KCNIP4: variants seen among roughly 807,000 people sequenced by gnomAD.
The protein encoded by KCNIP4 is potassium voltage-gated channel interacting protein 4, also known as Kv channel-interacting protein 4.
In KCNIP4, 12 loss-of-function variants were observed where a neutral mutation model predicts 34.0. That is an observed-to-expected ratio of 0.35 (90% confidence interval 0.23 to 0.57). The LOEUF (loss-of-function observed/expected upper bound fraction) is 0.57. KCNIP4 is among the 20% of genes least tolerant of loss of function. The probability of loss-of-function intolerance (pLI) is 0.83; values close to 1 mark genes in which losing one functional copy is unlikely to be tolerated. For synonymous variants in KCNIP4, 124 were observed against 102.2 expected, an observed-to-expected ratio of 1.21 and a Z score of -1.29; for missense variants, 238 against 311.7, an observed-to-expected ratio of 0.76 and a Z score of 1.78.
At chr4:21,006,707 T>G (rs1425025855) in intron 1 of KCNIP4, among the ~76,000 whole-genome samples, 1 of 152,020 alleles carries the variant, frequency 6.6e-6, no homozygotes, top group Non-Finnish European at 1.5e-5. Flanking sequence ...AGAAATAGGA[T>G]TTTGCCCAGG....
intron 1 of KCNIP4, among the ~76,000 whole-genome samples, chr4:20,894,807 A>G (rs561611016): frequency 4.7e-4 from 71 of 152,362 alleles, no homozygotes; most frequent in South Asian, 1.9e-3. Flanking sequence ...AGAACAAGAA[A>G]GTCCTCTAAA....
At chr4:20,998,000 A>C (rs1258505868) in intron 1 of KCNIP4, among the ~76,000 whole-genome samples, 1 of 152,220 alleles carries the variant, frequency 6.6e-6, no homozygotes, top group Non-Finnish European at 1.5e-5. Flanking sequence ...TAAGCTGATA[A>C]CTTAAAATGT....
chr4:21,490,421 A>T (rs1732291181), intron 1 of KCNIP4, among the ~76,000 whole-genome samples: 1 of 152,244 alleles, frequency 6.6e-6, no homozygotes, highest in East Asian at 1.9e-4. Flanking sequence ...CCTCGACCCC[A>T]AGAAACCCAC....
Position 21,352,017 on chromosome 4 carries a change from G to A in KCNIP4, c.62-469308C>T, listed in dbSNP as rs79368145. Among the ~76,000 whole-genome samples the A allele has an allele frequency of 3.4e-3, 514 of 152,218 alleles. 3 individuals carry two copies. The highest frequency in any genetic ancestry group is 0.011 in the African/African-American group (474 of 41,536). ...TCTGCCATAACATCAGTTATGTCCT[G>A]AGGCCATTTGGTTGAATAATTGATA... On this transcript the variant is annotated intron_variant, in intron 1 of 8. Coordinates refer to ENST00000382152, the MANE Select transcript of KCNIP4 (RefSeq NM_025221.6).
At chr4:21,592,306 G>A (rs1742282303) in intron 1 of KCNIP4, among the ~76,000 whole-genome samples, 1 of 152,060 alleles carries the variant, frequency 6.6e-6, no homozygotes, top group Non-Finnish European at 1.5e-5. Flanking sequence ...GATCATGGAT[G>A]TCTCATTTTT....
chr4:21,454,367 C>G (rs563432150), intron 1 of KCNIP4, among the ~76,000 whole-genome samples: 1 of 152,160 alleles, frequency 6.6e-6, no homozygotes, highest in South Asian at 2.1e-4. Flanking sequence ...TTAACTCACT[C>G]TCTAAGAGAT....
chr4:21,424,605 A>AAAAG (rs3083788), intron 1 of KCNIP4, among the ~76,000 whole-genome samples: 192 of 151,626 alleles, frequency 1.3e-3, no homozygotes, highest in African/African-American at 3.9e-3. Flanking sequence ...GAAAGAGAGA[A>AAAAG]AAAGAAAGAA....
intron 1 of KCNIP4, among the ~76,000 whole-genome samples, chr4:21,183,141 A>G (rs1754968013): frequency 6.6e-6 from 1 of 152,148 alleles, no homozygotes; most frequent in Non-Finnish European, 1.5e-5. Flanking sequence ...TTCACTAAAC[A>G]TAATGTCCTA....
intron 1 of KCNIP4, among the ~76,000 whole-genome samples, chr4:21,650,980 G>A (rs1304867856): frequency 6.6e-6 from 1 of 152,162 alleles, no homozygotes; most frequent in African/African-American, 2.4e-5. Context: ...CTTTAAAAGT[G>A]AGCAATAGTG....
chr4:20,988,000 C>CAAAAAAAAAAGAAAAA (rs1736738897), intron 1 of KCNIP4, among the ~76,000 whole-genome samples: 1 of 46,318 alleles, frequency 2.2e-5, no homozygotes, highest in Non-Finnish European at 4.0e-5. Context: ...GATTCCATCT[C>CAAAAAAAAAAGAAAAA]AAAAAAAAAA....
At chr4:21,354,277 G>A (rs1328580419) in intron 1 of KCNIP4, among the ~76,000 whole-genome samples, 1 of 152,128 alleles carries the variant, frequency 6.6e-6, no homozygotes, top group African/African-American at 2.4e-5. Context: ...CATAATGACA[G>A]GATCAAATTC....
chr4:21,900,536 C>G (rs932749232), intron 1 of KCNIP4, among the ~76,000 whole-genome samples: 1 of 152,126 alleles, frequency 6.6e-6, no homozygotes, highest in Non-Finnish European at 1.5e-5. Flanking sequence ...GGGTGGTGTC[C>G]TATAGGCCAT....
Position 21,247,578 on chromosome 4 carries a change from C to CATATATAT in KCNIP4, c.62-364877_62-364870dup, listed in dbSNP as rs368574338. Among the ~76,000 whole-genome samples, 464 of 133,968 alleles carry CATATATAT rather than the reference C, an allele frequency of 3.5e-3. 6 individuals carry two copies. Among genetic ancestry groups the CATATATAT allele is most frequent in the African/African-American group, 0.011 (382 of 35,432 alleles). The allele number at this position is 133,968 out of a possible 152,430, so 87.9% of individuals were successfully genotyped here. ...CTATATATTTATATAGATATAAATA[C>CATATATAT]ATATATATATATATACACCACAGAT... On this transcript the variant is annotated intron_variant, in intron 1 of 8. Coordinates refer to ENST00000382152, the MANE Select transcript of KCNIP4 (RefSeq NM_025221.6).
At chr4:21,425,239 T>C (rs1296968786) in intron 1 of KCNIP4, among the ~76,000 whole-genome samples, 1 of 152,136 alleles carries the variant, frequency 6.6e-6, no homozygotes, top group Admixed American at 6.5e-5. Context: ...ACTACCTAAC[T>C]TAACTTTAAA....
At chr4:21,480,973 G>A (rs1161175230) in intron 1 of KCNIP4, among the ~76,000 whole-genome samples, 1 of 152,056 alleles carries the variant, frequency 6.6e-6, no homozygotes, top group Non-Finnish European at 1.5e-5. Context: ...AAAAGCAAAA[G>A]AAATTAAACA....
intron 1 of KCNIP4, among the ~76,000 whole-genome samples, chr4:21,013,078 C>T (rs1433782451): frequency 6.6e-6 from 1 of 152,098 alleles, no homozygotes; most frequent in Non-Finnish European, 1.5e-5. Context: ...TGCTTGAAGT[C>T]TTTTAATAAA....
intron 1 of KCNIP4, among the ~76,000 whole-genome samples, chr4:21,010,766 T>C (rs1245664536): frequency 6.6e-6 from 1 of 152,206 alleles, no homozygotes; most frequent in Admixed American, 6.5e-5. Context: ...AAGGTAAAAA[T>C]ATTGAAACAC....
At chr4:21,864,062 G>C (rs915220821) in intron 1 of KCNIP4, among the ~76,000 whole-genome samples, 1 of 152,206 alleles carries the variant, frequency 6.6e-6, no homozygotes, top group Non-Finnish European at 1.5e-5. Flanking sequence ...GATGAATAGT[G>C]ACTTTGTTAC....
At chr4:20,846,401 A>G (rs947548420) in intron 3 of KCNIP4, among the ~76,000 whole-genome samples, 1 of 152,216 alleles carries the variant, frequency 6.6e-6, no homozygotes, top group African/African-American at 2.4e-5. Context: ...ACCACCTAAA[A>G]TTGAACTGAA....
Sources: gnomAD v4.1 joint callset for allele counts (sites outside exome capture counted in the v4.1 genomes callset) on GRCh38, gnomAD v4.1.1 for gene constraint, MANE v1.5 for transcripts, NCBI Gene and HGNC (gene_info 2026-07-23, HGNC 2026-07-21) for gene names.